The following NXPE1 variants were observed in gnomAD, a reference collection of about 807,000 sequenced individuals.
The protein encoded by NXPE1 is neurexophilin and PC-esterase domain family member 1.
In NXPE1, 31 loss-of-function variants were observed where a neutral mutation model predicts 33.3. That is an observed-to-expected ratio of 0.93 (90% CI 0.70 to 1.26). The LOEUF (loss-of-function observed/expected upper bound fraction) is 1.26. NXPE1 is among the 50% of genes most tolerant of loss of function. The pLI, the probability that NXPE1 is intolerant of heterozygous loss-of-function variation, is 0.00. For synonymous variants in NXPE1, 229 were observed against 231.4 expected (o/e 0.99, Z 0.09); for missense variants, 661 against 655.6 (o/e 1.01, Z -0.09).
rs1331835660 is a variant in NXPE1, at chr11:114,532,848, T to A, written c.100-1940A>T. Among the ~76,000 whole-genome samples the A allele has an allele frequency of 2.0e-5, 3 of 152,280 alleles. No individual in the cohort carries two copies. In the East Asian group the frequency reaches 5.8e-4, roughly 29 times the overall value. On this transcript the variant is annotated intron_variant, in intron 5 of 8. Transcript: ENST00000534921. ...GTAAAAATGGTTCTAGAGTGAAAAA[T>A]CTTGTAGTATAATTTATATATTAAT...
chr11:114,548,728 AC>A (rs1948361017), intron 5 of NXPE1, among the ~76,000 whole-genome samples: 1 of 152,016 alleles, frequency 6.6e-6, no homozygotes, highest in African/African-American at 2.4e-5. Flanking sequence ...AATGAATTAA[AC>A]ACCCAGTTAA....
At chr11:114,543,106 A>G (rs190692920) in intron 5 of NXPE1, among the ~76,000 whole-genome samples, 336 of 152,164 alleles carry the variant, frequency 2.2e-3, no homozygotes, top group Non-Finnish European at 4.1e-3. Context: ...ACATAAAGAA[A>G]TCACTTTGGG....
At chr11:114,523,136 G>T in intron 7 of NXPE1, 45 bp from the exon 8 acceptor site, 7 of 1,378,974 alleles carry the variant, frequency 5.1e-6, no homozygotes, top group Non-Finnish European at 7.2e-6. Flanking sequence ...GCAAAACTTA[G>T]ACATCTAGCC....
chr11:114,550,718 C>G (rs1048596282), intron 5 of NXPE1, among the ~76,000 whole-genome samples: 6 of 152,078 alleles, frequency 3.9e-5, no homozygotes, highest in African/African-American at 1.4e-4. Flanking sequence ...GGAAACAGTA[C>G]TGCTAAAAAA....
chr11:114,552,824 C>A (rs1403777305), intron 2 of NXPE1, 28 bp downstream of exon 2: 19 of 933,240 alleles, frequency 2.0e-5, no homozygotes, highest in Non-Finnish European at 2.4e-5. Context: ...GATCTTTAAA[C>A]TTATTCTGTA....
At chr11:114,530,277 C>G (rs1326349872) in exon 6 of NXPE1, 1 of 1,614,096 alleles carries the variant, frequency 6.2e-7, no homozygotes, top group African/African-American at 1.3e-5. Flanking sequence ...AGGCTTCATA[C>G]AATAGAAGGC....
intron 5 of NXPE1, among the ~76,000 whole-genome samples, chr11:114,548,063 AGGT>A (rs964458561): frequency 2.0e-5 from 3 of 152,204 alleles, no homozygotes; most frequent in African/African-American, 7.2e-5. Flanking sequence ...GTATCTGATA[AGGT>A]AACATTCATA....
chr11:114,526,306 T>C (rs902920777), intron 7 of NXPE1, among the ~76,000 whole-genome samples: 1 of 152,210 alleles, frequency 6.6e-6, no homozygotes, highest in African/African-American at 2.4e-5. Context: ...TTAAAGCCAC[T>C]TTATTATAGC....
intron 5 of NXPE1, among the ~76,000 whole-genome samples, chr11:114,535,156 C>A (rs1226955992): frequency 6.6e-6 from 1 of 152,128 alleles, no homozygotes; most frequent in Non-Finnish European, 1.5e-5. Context: ...AACTTTCAAC[C>A]CAGAATTTCA....
At chr11:114,543,758 A>G (rs1007257014) in intron 5 of NXPE1, among the ~76,000 whole-genome samples, 1 of 152,152 alleles carries the variant, frequency 6.6e-6, no homozygotes, top group Non-Finnish European at 1.5e-5. Flanking sequence ...AAGGAAAAAT[A>G]AGAGACATAC....
At chr11:114,555,065 G>A (rs1249049672) in intron 1 of NXPE1, among the ~76,000 whole-genome samples, 1 of 151,222 alleles carries the variant, frequency 6.6e-6, no homozygotes, top group African/African-American at 2.4e-5. Flanking sequence ...TGGCAGTCCA[G>A]CCTGTCTACA....
chr11:114,558,740 A>G (rs1948713471), intron 1 of NXPE1, among the ~76,000 whole-genome samples: 1 of 152,212 alleles, frequency 6.6e-6, no homozygotes, highest in Non-Finnish European at 1.5e-5. Context: ...AAGAGTACAA[A>G]TTAACATGAT....
chr11:114,525,967 A>G (rs1039364786), intron 7 of NXPE1, among the ~76,000 whole-genome samples: 7 of 152,184 alleles, frequency 4.6e-5, no homozygotes, highest in African/African-American at 1.7e-4. Flanking sequence ...AGTTATGACC[A>G]GGGTATGGCC....
At chr11:114,530,017 GCCT>G in intron 6 of NXPE1, 155 bp downstream of exon 6, 1 of 678,642 alleles carries the variant, frequency 1.5e-6, no homozygotes, top group Non-Finnish European at 2.5e-6. Context: ...GCAAACTTTG[GCCT>G]AGAGTGGTGA....
At chr11:114,554,199 T>C (rs1948596461) in intron 1 of NXPE1, 2 of 983,862 alleles carry the variant, frequency 2.0e-6, no homozygotes, top group African/African-American at 3.5e-5. Flanking sequence ...AATAGAAACT[T>C]GTAGCTGGAC....
intron 7 of NXPE1, among the ~76,000 whole-genome samples, chr11:114,525,220 C>T (rs1229669044): frequency 6.6e-6 from 1 of 151,798 alleles, no homozygotes; most frequent in African/African-American, 2.4e-5. Flanking sequence ...CTTTTTTGGC[C>T]TCTCAGCTTC....
chr11:114,532,754 G>A (rs778059516), intron 5 of NXPE1, among the ~76,000 whole-genome samples: 7 of 152,032 alleles, frequency 4.6e-5, no homozygotes, highest in South Asian at 2.1e-4. Flanking sequence ...AAAGTATATA[G>A]GTAGATTAGA....
downstream of NXPE1, among the ~76,000 whole-genome samples, chr11:114,521,455 C>T (rs1947209172): frequency 6.6e-6 from 1 of 152,162 alleles, no homozygotes. Context: ...TATTTGCTTT[C>T]TGGCATAACA....
At chr11:114,555,354 G>A (rs754378387) in intron 1 of NXPE1, among the ~76,000 whole-genome samples, 36 of 152,206 alleles carry the variant, frequency 2.4e-4, no homozygotes, top group Non-Finnish European at 4.3e-4. Flanking sequence ...CTCCTGAGTA[G>A]CTGGGACTAC....
Sources: gnomAD v4.1 joint callset for allele counts (sites outside exome capture counted in the v4.1 genomes callset) on GRCh38, gnomAD v4.1.1 for gene constraint, MANE v1.5 for transcripts, NCBI Gene and HGNC (gene_info 2026-07-23, HGNC 2026-07-21) for gene names.